The following PRR5L variants were observed in gnomAD, a reference collection of about 807,000 sequenced individuals.
PRR5L encodes the protein proline rich 5 like, also known as proline-rich protein 5-like.
A neutral mutation model predicts 36.4 loss-of-function variants in PRR5L; 21 were observed. That is an observed-to-expected ratio of 0.58 (90% CI 0.41 to 0.83). PRR5L has a LOEUF of 0.83. PRR5L is among the 40% of genes least tolerant of loss of function. The probability of loss-of-function intolerance (pLI) is 0.00; values close to 1 mark genes in which losing one functional copy is unlikely to be tolerated. For synonymous variants in PRR5L, 188 were observed against 197.0 expected, an observed-to-expected ratio of 0.95 and a Z score of 0.38; for missense variants, 381 against 473.3, an observed-to-expected ratio of 0.80 and a Z score of 1.81.
chr11:36,350,273 G>A (rs886989352), intron 1 of PRR5L, among the ~76,000 whole-genome samples: 1 of 150,658 alleles, frequency 6.6e-6, no homozygotes, highest in African/African-American at 2.4e-5. Flanking sequence ...GTGTGTGGAT[G>A]TGTGAGTCTG....
chr11:36,445,112 TG>T lies in PRR5L; in HGVS notation c.445-1182del, dbSNP rs548663032. The stretch of plus-strand genomic sequence containing the variant: ...GGTGATTGTGTGTATCTGTTGGATG[TG>T]GGGGGTCAGGGGATATGGAGATAGC... On this transcript the variant is annotated intron_variant, in intron 6 of 8. Coordinates refer to ENST00000530639, the MANE Select transcript of PRR5L (RefSeq NM_001160167.2). Among the ~76,000 whole-genome samples, 737 of 152,276 alleles carry T rather than the reference TG, an allele frequency of 4.8e-3. 6 individuals carry two copies. The highest frequency in any genetic ancestry group is 0.016 in the African/African-American group (675 of 41,554).
intron 2 of PRR5L, among the ~76,000 whole-genome samples, 174 bp downstream of exon 2, chr11:36,401,459 C>CT (rs1857795215): frequency 6.6e-6 from 1 of 152,174 alleles, no homozygotes; most frequent in Non-Finnish European, 1.5e-5. Flanking sequence ...GGGTCTCACT[C>CT]TGTCACCCAG....
chr11:36,461,133 C>A (rs1280549051), intron 8 of PRR5L, among the ~76,000 whole-genome samples: 5 of 152,130 alleles, frequency 3.3e-5, no homozygotes, highest in African/African-American at 1.2e-4. Context: ...GAGAGACAGA[C>A]CTTGTTTGAG....
At chr11:36,365,558 A>G (rs1409106214) in intron 1 of PRR5L, among the ~76,000 whole-genome samples, 2 of 152,196 alleles carry the variant, frequency 1.3e-5, no homozygotes, top group Non-Finnish European at 2.9e-5. Flanking sequence ...ACTGCATTTT[A>G]CAGTATTGCA....
intron 1 of PRR5L, among the ~76,000 whole-genome samples, chr11:36,361,106 G>T (rs2133501606): frequency 6.6e-6 from 1 of 152,280 alleles, no homozygotes; most frequent in South Asian, 2.1e-4. Flanking sequence ...CCTTTTAGGA[G>T]GTCCATGAGC....
At chr11:36,414,788 T>C (rs1455348732) in intron 3 of PRR5L, among the ~76,000 whole-genome samples, 1 of 148,088 alleles carries the variant, frequency 6.8e-6, no homozygotes, top group Non-Finnish European at 1.5e-5. Context: ...TCCTTGCCCA[T>C]GCCTATGTCC....
intron 1 of PRR5L, chr11:36,386,582 A>T (rs879803871): frequency 6.6e-6 from 1 of 152,284 alleles, no homozygotes; most frequent in African/African-American, 2.4e-5. Flanking sequence ...GGTGATGTTT[A>T]TGCAGGGAAG....
intron 4 of PRR5L, among the ~76,000 whole-genome samples, chr11:36,422,977 CT>C (rs1279489784): frequency 6.6e-6 from 1 of 152,148 alleles, no homozygotes; most frequent in East Asian, 1.9e-4. Flanking sequence ...CATTAGGTAT[CT>C]TGGTGGTTCA....
intron 1 of PRR5L, among the ~76,000 whole-genome samples, chr11:36,394,715 T>A (rs939579162): frequency 6.6e-6 from 1 of 152,200 alleles, no homozygotes; most frequent in Admixed American, 6.5e-5. Flanking sequence ...ATCCCCTTTA[T>A]AAGGACACAT....
At chr11:36,378,368 G>T (rs1204279648) in intron 1 of PRR5L, among the ~76,000 whole-genome samples, 1 of 152,104 alleles carries the variant, frequency 6.6e-6, no homozygotes, top group South Asian at 2.1e-4. Flanking sequence ...TGTTTAGAGC[G>T]GTTTCTGTAG....
At chr11:36,337,471 A>ACT (rs1856779717) in intron 1 of PRR5L, among the ~76,000 whole-genome samples, 1 of 152,188 alleles carries the variant, frequency 6.6e-6, no homozygotes, top group South Asian at 2.1e-4. Context: ...TTTGTAAATT[A>ACT]CTCAGCCTAG....
At chr11:36,400,079 G>A (rs1857758176) in intron 1 of PRR5L, among the ~76,000 whole-genome samples, 1 of 152,198 alleles carries the variant, frequency 6.6e-6, no homozygotes, top group Non-Finnish European at 1.5e-5. Context: ...TGCTACAAGG[G>A]GACAGTGTCC....
At chr11:36,453,394 G>A (rs192078750) in intron 8 of PRR5L, among the ~76,000 whole-genome samples, 6 of 152,260 alleles carry the variant, frequency 3.9e-5, no homozygotes, top group Non-Finnish European at 8.8e-5. Context: ...ACTCTAAGAG[G>A]GGATAGCTTT....
At chr11:36,300,206 C>G (rs138368958) in intron 1 of PRR5L, among the ~76,000 whole-genome samples, 300 of 152,212 alleles carry the variant, frequency 2.0e-3, no homozygotes, top group Non-Finnish European at 3.1e-3. Context: ...ATTTGGCTCA[C>G]GTTTCTGCAG....
At chr11:36,370,735 G>T (rs1257771481) in intron 1 of PRR5L, among the ~76,000 whole-genome samples, 1 of 152,026 alleles carries the variant, frequency 6.6e-6, no homozygotes, top group Non-Finnish European at 1.5e-5. Context: ...CAAAAAATTA[G>T]CTGGGTGTGG....
intron 1 of PRR5L, among the ~76,000 whole-genome samples, chr11:36,331,747 G>GA (rs1370120597): frequency 6.6e-6 from 1 of 152,118 alleles, no homozygotes; most frequent in Non-Finnish European, 1.5e-5. Flanking sequence ...GAGCTAAGCT[G>GA]AAAAAAGAGA....
chr11:36,429,221 T>C (rs1002915470), intron 4 of PRR5L, among the ~76,000 whole-genome samples: 2 of 152,178 alleles, frequency 1.3e-5, no homozygotes, highest in Non-Finnish European at 1.5e-5. Context: ...AGGGACCCTA[T>C]AGCACTTATT....
intron 1 of PRR5L, among the ~76,000 whole-genome samples, chr11:36,386,846 G>A (rs967162598): frequency 6.6e-6 from 1 of 152,232 alleles, no homozygotes; most frequent in Non-Finnish European, 1.5e-5. Flanking sequence ...GCTTGACACA[G>A]TCCTGACCAT....
In PRR5L at chr11:36,400,241, G is replaced by A. The variant is rs559251885; in HGVS notation, c.-125-756G>A. Among the ~76,000 whole-genome samples the A allele has an allele frequency of 5.6e-4, 86 of 152,338 alleles. 1 individual carries two copies. Among genetic ancestry groups the A allele is most frequent in the African/African-American group, 1.7e-3 (72 of 41,578 alleles). On this transcript the variant is annotated intron_variant, in intron 1 of 8. Transcript: ENST00000530639. ...AGTGCCTGCTGGTTGCGAGCTCCAC[G>A]GGGCAGGGCACCAGGGCCTCTGGAG...
Sources: allele counts gnomAD v4.1 joint callset (sites outside exome capture counted in the v4.1 genomes callset), GRCh38; gene constraint gnomAD v4.1.1; transcripts MANE v1.5; gene names NCBI Gene and HGNC (gene_info 2026-07-23, HGNC 2026-07-21).